P4HA3: variants seen among roughly 807,000 people sequenced by gnomAD.
P4HA3 encodes prolyl 4-hydroxylase subunit alpha-3.
Under a neutral mutation model 66.7 loss-of-function variants are expected in P4HA3, and 60 were observed. The observed-to-expected ratio is 0.90, with a 90% CI of 0.73 to 1.12. The LOEUF (loss-of-function observed/expected upper bound fraction) is 1.12, where lower values mean the gene tolerates loss of function less well. P4HA3 is among the 50% of genes most tolerant of loss of function. The pLI is 0.00. For missense variants in P4HA3, 683 were observed against 685.8 expected (o/e 1.00, Z 0.05); for synonymous variants, 263 against 274.6 (o/e 0.96, Z 0.42).
intron 8 of P4HA3, among the ~76,000 whole-genome samples, 192 bp from the exon 9 acceptor site, chr11:74,277,336 C>G (rs1860435268): frequency 6.6e-6 from 1 of 152,098 alleles, no homozygotes; most frequent in Non-Finnish European, 1.5e-5. Context: ...TTAAGTCTGC[C>G]CAGTCCACTT....
intron 8 of P4HA3, among the ~76,000 whole-genome samples, chr11:74,277,616 G>C (rs75070819): frequency 0.027 from 4,091 of 152,350 alleles, 158 homozygotes; most frequent in African/African-American, 0.089. Context: ...TAAAGATTGT[G>C]AGAGGCAATG....
chr11:74,284,689 C>T (rs536260820), intron 7 of P4HA3, among the ~76,000 whole-genome samples: 60 of 152,174 alleles, frequency 3.9e-4, no homozygotes, highest in African/African-American at 1.4e-3. Flanking sequence ...CATGCACAGA[C>T]CTTGGCACAC....
At chr11:74,253,457 C>A (rs368002492) in intron 15 of P4HA3, 233 of 1,590,024 alleles carry the variant, frequency 1.5e-4, no homozygotes, top group South Asian at 9.2e-4. Context: ...TTGATAGTTA[C>A]ATTTGTTTTT....
rs2135700359 is a variant in P4HA3 at position 74,266,699 on chromosome 11, T to C, written c.*549A>G. On this transcript the variant is annotated 3_prime_UTR_variant, in exon 13 of 13. Coordinates refer to ENST00000331597, the MANE Select transcript of P4HA3 (RefSeq NM_182904.5). ...TAATGACTGTGTTAAAAAACCATCA[T>C]ACAAAAAGAAAAGAAAGTTGTTTTC... is the stretch of plus-strand genomic sequence containing the variant. 5.1e-6 allele frequency: 1 copy of C among 196,362 alleles called. No homozygotes were observed. The highest frequency in any genetic ancestry group is 5.2e-5 in the Admixed American group (1 of 19,130). 12.2% of individuals were successfully genotyped at this position (196,362 alleles called of 1,614,324 possible). A position where few individuals can be genotyped will look rare whatever the true frequency, so the allele number is the denominator to read the frequency against.
chr11:74,283,492 TAC>T (rs1355373788), intron 7 of P4HA3, among the ~76,000 whole-genome samples: 3 of 152,190 alleles, frequency 2.0e-5, no homozygotes, highest in Admixed American at 1.3e-4. Context: ...TGTCTGCTGT[TAC>T]AGTCTTCCTT....
At chr11:74,271,737 GATT>G (rs1860206973) in intron 10 of P4HA3, among the ~76,000 whole-genome samples, 1 of 152,196 alleles carries the variant, frequency 6.6e-6, no homozygotes, top group East Asian at 1.9e-4. Context: ...ACTTCTTAAA[GATT>G]ATTTTCTCCC....
intron 3 of P4HA3, among the ~76,000 whole-genome samples, chr11:74,301,126 A>G (rs1026109000): frequency 5.3e-5 from 8 of 152,118 alleles, no homozygotes; most frequent in African/African-American, 1.9e-4. Context: ...GCTGTATGTA[A>G]CATGTTTTTT....
intron 7 of P4HA3, among the ~76,000 whole-genome samples, chr11:74,281,896 AAT>A (rs1860615022): frequency 6.8e-6 from 1 of 147,114 alleles, no homozygotes; most frequent in African/African-American, 2.5e-5. Flanking sequence ...TAATAATAAT[AAT>A]AAAAGTTTGG....
chr11:74,302,326 G>A, intron 3 of P4HA3, 43 bp downstream of exon 3: 2 of 1,522,840 alleles, frequency 1.3e-6, no homozygotes, highest in Non-Finnish European at 1.8e-6. Flanking sequence ...TTATCCATAA[G>A]AAACCAGAGC....
Position 74,298,196 on chromosome 11 carries a change from T to G in P4HA3, c.717+16A>C. 6.2e-7 allele frequency: 1 copy of G among 1,610,414 alleles called. No homozygotes were observed. The stretch of plus-strand genomic sequence containing the variant: ...CTTAGTATAATAAAAGCAGTGAGCT[T>G]CACTTACTCCCTTACCCGGAAATAA... On this transcript the variant is annotated intron_variant, in intron 4 of 12. Transcript: ENST00000331597.
At chr11:74,288,294 A>G (rs1488788095) in intron 5 of P4HA3, among the ~76,000 whole-genome samples, 1 of 152,192 alleles carries the variant, frequency 6.6e-6, no homozygotes, top group Non-Finnish European at 1.5e-5. Flanking sequence ...GGATGCATGC[A>G]TCACAGAGTG....
chr11:74,271,628 C>A (rs574002878), intron 10 of P4HA3, among the ~76,000 whole-genome samples: 1 of 152,060 alleles, frequency 6.6e-6, no homozygotes, highest in African/African-American at 2.4e-5. Context: ...TGCCAAGTAG[C>A]GGGGACTACA....
At chr11:74,258,986 A>G (rs1859867225) in intron 15 of P4HA3, among the ~76,000 whole-genome samples, 1 of 152,242 alleles carries the variant, frequency 6.6e-6, no homozygotes, top group African/African-American at 2.4e-5. Context: ...ACCAAGGCAC[A>G]GCAATTCTAC....
chr11:74,300,908 T>C (rs542628), intron 3 of P4HA3, among the ~76,000 whole-genome samples: 48,651 of 152,012 alleles, frequency 0.32, 8,053 homozygotes, highest in African/African-American at 0.37. Context: ...GTTTGTGGTA[T>C]ATTCTTAGAA....
chr11:74,300,750 T>C (rs1861381891), intron 3 of P4HA3, among the ~76,000 whole-genome samples: 1 of 152,264 alleles, frequency 6.6e-6, no homozygotes, highest in East Asian at 1.9e-4. Context: ...ATTCTGTGAG[T>C]TGGCGATACC....
chr11:74,294,031 C>T (rs1375701491), intron 4 of P4HA3, among the ~76,000 whole-genome samples: 3 of 152,228 alleles, frequency 2.0e-5, no homozygotes, highest in Non-Finnish European at 2.9e-5. Flanking sequence ...GGATAATATC[C>T]TGCAGAGTGT....
chr11:74,282,329 C>T (rs533498484), intron 7 of P4HA3, among the ~76,000 whole-genome samples: 3 of 152,194 alleles, frequency 2.0e-5, no homozygotes, highest in Admixed American at 2.0e-4. Flanking sequence ...AGACAATGTC[C>T]CTGCCCCTAA....
intron 7 of P4HA3, among the ~76,000 whole-genome samples, chr11:74,282,805 A>G (rs200530098): frequency 6.6e-6 from 1 of 152,238 alleles, no homozygotes; most frequent in African/African-American, 2.4e-5. Context: ...GGCAGAATAC[A>G]TTTAAAAATT....
At chr11:74,282,040 C>T (rs1591105945) in intron 7 of P4HA3, among the ~76,000 whole-genome samples, 1 of 151,184 alleles carries the variant, frequency 6.6e-6, no homozygotes, top group South Asian at 2.1e-4. Flanking sequence ...CATCCATTGT[C>T]CCTGGTGTCC....
Sources: gnomAD v4.1 joint callset for allele counts (sites outside exome capture counted in the v4.1 genomes callset) on GRCh38, gnomAD v4.1.1 for gene constraint, MANE v1.5 for transcripts, NCBI Gene and HGNC (gene_info 2026-07-23, HGNC 2026-07-21) for gene names.